FGF1: variants seen among roughly 807,000 people sequenced by gnomAD.
FGF1 encodes the protein beta-endothelial cell growth factor.
In FGF1, 9 loss-of-function variants were observed where a neutral mutation model predicts 13.4. The ratio of observed to expected loss-of-function variants is 0.67; its 90% CI spans 0.40 to 1.17. FGF1 has a LOEUF of 1.17. FGF1 is among the 50% of genes most tolerant of loss of function. The pLI, the probability that FGF1 is intolerant of heterozygous loss-of-function variation, is 0.01. For missense variants in FGF1, 156 were observed against 192.7 expected, an observed-to-expected ratio of 0.81 and a Z score of 1.13; for synonymous variants, 93 against 79.0, an observed-to-expected ratio of 1.18 and a Z score of -0.94.
rs1408531112 is a variant in FGF1 at position 142,600,922 on chromosome 5, AG to A, written c.170-118del. The stretch of plus-strand genomic sequence containing the variant: ...TGCTCATTCATTTCACGGAGCCCTC[AG>A]GGATGAGCCTCAGATTAATCAAAAC... On this transcript the variant is annotated intron_variant, in intron 2 of 3. Coordinates refer to ENST00000337706, the MANE Select transcript of FGF1 (RefSeq NM_000800.5). 4 of 695,474 alleles carry A rather than the reference AG, an allele frequency of 5.8e-6. No homozygotes were observed. In the Admixed American group the frequency reaches 9.1e-5, roughly 16 times the overall value. 43.1% of individuals were successfully genotyped at this position (695,474 alleles called of 1,614,324 possible). A position where few individuals can be genotyped will look rare whatever the true frequency, so the allele number is the denominator to read the frequency against.
At chr5:142,648,798 A>G (rs952903888) in intron 1 of FGF1, among the ~76,000 whole-genome samples, 2 of 151,410 alleles carry the variant, frequency 1.3e-5, no homozygotes, top group African/African-American at 2.4e-5. Context: ...ATAAGCCTGC[A>G]GGGAAAGGGA....
chr5:142,603,983 A>G (rs1274844631), intron 2 of FGF1, among the ~76,000 whole-genome samples: 1 of 152,254 alleles, frequency 6.6e-6, no homozygotes, highest in Admixed American at 6.5e-5. Flanking sequence ...GAGTCTGGAA[A>G]CAGTGCTGAG....
chr5:142,616,212 A>G (rs34012), intron 1 of FGF1, among the ~76,000 whole-genome samples: 65,652 of 152,098 alleles, frequency 0.43, 14,498 homozygotes, highest in African/African-American at 0.51. Context: ...ATGAGGGCTC[A>G]TGTTGGAAGC....
chr5:142,677,067 G>A (rs1282593273), intron 1 of FGF1, among the ~76,000 whole-genome samples: 1 of 152,204 alleles, frequency 6.6e-6, no homozygotes, highest in Non-Finnish European at 1.5e-5. Context: ...CCTCTGGGCT[G>A]CGAACTTGCT....
intron 1 of FGF1, among the ~76,000 whole-genome samples, chr5:142,647,431 G>A (rs565107775): frequency 1.9e-4 from 29 of 152,182 alleles, no homozygotes; most frequent in Non-Finnish European, 2.4e-4. Flanking sequence ...TCTCACCACC[G>A]CGTTGAGGTA....
At chr5:142,684,982 G>C (rs1774419388) in intron 1 of FGF1, among the ~76,000 whole-genome samples, 1 of 152,356 alleles carries the variant, frequency 6.6e-6, no homozygotes, top group Middle Eastern at 3.4e-3. Context: ...CATAGCTAGA[G>C]AATAATGGAG....
At chr5:142,648,972 G>A (rs1239719394) in intron 1 of FGF1, among the ~76,000 whole-genome samples, 1 of 152,182 alleles carries the variant, frequency 6.6e-6, no homozygotes, top group African/African-American at 2.4e-5. Context: ...GGACGGCCGA[G>A]AGAGGAAACA....
intron 1 of FGF1, among the ~76,000 whole-genome samples, chr5:142,634,951 C>G (rs991387238): frequency 2.6e-5 from 4 of 151,538 alleles, no homozygotes; most frequent in African/African-American, 4.9e-5. Context: ...CAGGATAAGT[C>G]TCACCAGATG....
intron 1 of FGF1, chr5:142,671,712 C>T (rs1282083745): frequency 6.6e-6 from 1 of 152,188 alleles, no homozygotes; most frequent in Non-Finnish European, 1.5e-5. Context: ...TTTTCGAAAC[C>T]ACTGGACTTG....
At chr5:142,640,238 C>T (rs898390794) in intron 1 of FGF1, among the ~76,000 whole-genome samples, 1 of 151,968 alleles carries the variant, frequency 6.6e-6, no homozygotes, top group Non-Finnish European at 1.5e-5. Flanking sequence ...GCACTGGGAA[C>T]ACAGGGGTAA....
chr5:142,656,631 C>A (rs61341368), intron 1 of FGF1, among the ~76,000 whole-genome samples: 18,771 of 152,178 alleles, frequency 0.12, 2,363 homozygotes, highest in African/African-American at 0.32. Context: ...AATTTGGAAA[C>A]AATGTTGCTT....
chr5:142,653,595 C>T (rs907921883), intron 1 of FGF1, among the ~76,000 whole-genome samples: 1 of 152,222 alleles, frequency 6.6e-6, no homozygotes, highest in Non-Finnish European at 1.5e-5. Flanking sequence ...CCACTGTTCA[C>T]TGCCCCCTAC....
chr5:142,689,728 C>T (rs1332286813), upstream of FGF1, among the ~76,000 whole-genome samples: 18 of 130,748 alleles, frequency 1.4e-4, no homozygotes, highest in Admixed American at 5.2e-4. Context: ...AGACAAGAGT[C>T]TCGCTCTGTC....
chr5:142,612,791 G>C lies in FGF1; in HGVS notation c.169+1168C>G, dbSNP rs17223681. On this transcript the variant is annotated intron_variant, in intron 2 of 3. Transcript: ENST00000337706. The stretch of plus-strand genomic sequence containing the variant: ...CAGGGTCTGTGCAGTGGGTGGGGAG[G>C]AAGGAACAACGTCACCTCGTGTAAA... 2.8e-3 allele frequency among the ~76,000 whole-genome samples: 422 copies of C among 152,222 alleles called. 3 individuals are homozygous for C. The highest frequency in any genetic ancestry group is 9.5e-3 in the African/African-American group (395 of 41,522).
upstream of FGF1, among the ~76,000 whole-genome samples, chr5:142,686,673 A>G (rs1751284653): frequency 6.6e-6 from 1 of 151,666 alleles, no homozygotes; most frequent in Admixed American, 6.6e-5. Flanking sequence ...GGCAACGTGT[A>G]TGTGTGCGTG....
chr5:142,613,771 G>A (rs941029089), intron 2 of FGF1, among the ~76,000 whole-genome samples, 188 bp downstream of exon 2: 1 of 152,200 alleles, frequency 6.6e-6, no homozygotes, highest in South Asian at 2.1e-4. Context: ...GGTAAGTGGT[G>A]GCCCCCACAA....
rs2151800276 is a variant in FGF1 at position 142,593,735 on chromosome 5, T to C, written c.*1555A>G. On this transcript the variant is annotated 3_prime_UTR_variant, in exon 4 of 4. Coordinates refer to ENST00000337706, the MANE Select transcript of FGF1 (RefSeq NM_000800.5). ...ACTATCATTCTCAGTGCCTGAATAC[T>C]AATCAGTTTAACTGCTTTCAAGCTA... 1 of 152,792 alleles carries C rather than the reference T, an allele frequency of 6.5e-6. No individual in the cohort carries two copies. The highest frequency in any genetic ancestry group is 2.1e-4 in the South Asian group (1 of 4,828). The allele number at this position is 152,792 out of a possible 1,614,324, so 9.5% of individuals were successfully genotyped here. A position where few individuals can be genotyped will look rare whatever the true frequency, so the allele number is the denominator to read the frequency against.
intron 1 of FGF1, among the ~76,000 whole-genome samples, chr5:142,618,137 C>G (rs965461480): frequency 5.3e-5 from 8 of 152,128 alleles, no homozygotes. Flanking sequence ...CCATTGTGCA[C>G]GAAGCCTAGC....
chr5:142,661,270 G>A (rs1029938511), intron 1 of FGF1, among the ~76,000 whole-genome samples: 2 of 152,164 alleles, frequency 1.3e-5, no homozygotes, highest in African/African-American at 4.8e-5. Flanking sequence ...TGCCACCAGG[G>A]AAATGCAAAT....
Sources: allele counts gnomAD v4.1 joint callset (sites outside exome capture counted in the v4.1 genomes callset), GRCh38; gene constraint gnomAD v4.1.1; transcripts MANE v1.5; gene names NCBI Gene and HGNC (gene_info 2026-07-23, HGNC 2026-07-21).